The following PLCXD3 variants were observed in gnomAD, a reference collection of about 807,000 sequenced individuals.
The protein encoded by PLCXD3 is phosphatidylinositol specific phospholipase C X domain containing 3.
A neutral mutation model predicts 25.5 loss-of-function variants in PLCXD3; 19 were observed. The ratio of observed to expected loss-of-function variants is 0.75; its 90% CI spans 0.52 to 1.09. PLCXD3 has a LOEUF of 1.09. PLCXD3 is among the 50% of genes least tolerant of loss of function. The pLI, the probability that PLCXD3 is intolerant of heterozygous loss-of-function variation, is 0.00. For missense variants in PLCXD3, 411 were observed against 388.1 expected, an observed-to-expected ratio of 1.06 and a Z score of -0.50; for synonymous variants, 174 against 137.6, an observed-to-expected ratio of 1.26 and a Z score of -1.85.
intron 2 of PLCXD3, among the ~76,000 whole-genome samples, chr5:41,325,992 T>C (rs1743614060): frequency 6.6e-6 from 1 of 152,090 alleles, no homozygotes; most frequent in South Asian, 2.1e-4. Context: ...AGGGTACTAA[T>C]CTCATTCATG....
At chr5:41,373,098 T>C (rs182584098) in intron 2 of PLCXD3, among the ~76,000 whole-genome samples, 19 of 152,160 alleles carry the variant, frequency 1.2e-4, no homozygotes, top group Non-Finnish European at 2.1e-4. Flanking sequence ...GATGTGAGAT[T>C]GGACATGCCT....
chr5:41,489,430 T>C (rs1275727440), intron 1 of PLCXD3, among the ~76,000 whole-genome samples: 7 of 152,086 alleles, frequency 4.6e-5, no homozygotes, highest in Admixed American at 4.6e-4. Context: ...TTTGGTTCCA[T>C]ATGAACTTTA....
intron 2 of PLCXD3, among the ~76,000 whole-genome samples, chr5:41,339,456 T>G (rs1029596210): frequency 3.9e-5 from 6 of 152,066 alleles, no homozygotes; most frequent in Non-Finnish European, 8.8e-5. Flanking sequence ...TACTATTTTT[T>G]TTTTTCAAAA....
At chr5:41,424,091 T>C (rs1325743308) in intron 1 of PLCXD3, among the ~76,000 whole-genome samples, 1 of 152,168 alleles carries the variant, frequency 6.6e-6, no homozygotes, top group Non-Finnish European at 1.5e-5. Flanking sequence ...CTTTCTACCC[T>C]TTGACCAACA....
At chr5:41,374,409 A>G (rs1270161487) in intron 2 of PLCXD3, among the ~76,000 whole-genome samples, 1 of 152,154 alleles carries the variant, frequency 6.6e-6, no homozygotes, top group African/African-American at 2.4e-5. Flanking sequence ...TGTTTCAAAA[A>G]GATTCTGAAT....
intron 1 of PLCXD3, among the ~76,000 whole-genome samples, chr5:41,506,631 A>T (rs902311513): frequency 1.3e-5 from 2 of 152,204 alleles, no homozygotes; most frequent in Admixed American, 6.5e-5. Flanking sequence ...GGCTCCAGGA[A>T]CACAGGCAGC....
At chr5:41,456,451 T>A in intron 1 of PLCXD3, 2 of 593,980 alleles carry the variant, frequency 3.4e-6, no homozygotes, top group Non-Finnish European at 4.2e-6. Flanking sequence ...AGAGATAAAT[T>A]CAGGATAGAA....
chr5:41,338,158 T>C, intron 2 of PLCXD3, among the ~76,000 whole-genome samples: 1 of 152,122 alleles, frequency 6.6e-6, no homozygotes, highest in East Asian at 1.9e-4. Context: ...CATTATAAAG[T>C]AGTCATATTC....
At chr5:41,433,697 T>C (rs983616861) in intron 1 of PLCXD3, among the ~76,000 whole-genome samples, 1 of 152,264 alleles carries the variant, frequency 6.6e-6, no homozygotes, top group African/African-American at 2.4e-5. Flanking sequence ...ATGCTCATTC[T>C]AAGAATGATT....
At chr5:41,490,517 T>C (rs1332488837) in intron 1 of PLCXD3, among the ~76,000 whole-genome samples, 1 of 152,126 alleles carries the variant, frequency 6.6e-6, no homozygotes, top group East Asian at 1.9e-4. Context: ...ATGGTACCAG[T>C]TCCTCCTTGT....
chr5:41,378,341 T>A (rs1212019504), intron 2 of PLCXD3, among the ~76,000 whole-genome samples: 5 of 152,114 alleles, frequency 3.3e-5, no homozygotes, highest in Non-Finnish European at 7.4e-5. Flanking sequence ...TTTCTAGTAC[T>A]TCTGAGGCTA....
At chr5:41,471,032 A>AGAT (rs1335256941) in intron 1 of PLCXD3, among the ~76,000 whole-genome samples, 2 of 152,212 alleles carry the variant, frequency 1.3e-5, no homozygotes. Flanking sequence ...AATTTATCAT[A>AGAT]GATAACTGAT....
rs548746537 is a variant in PLCXD3, at chr5:41,384,092, CT to C, written c.104-1559del. Among the ~76,000 whole-genome samples, 610 of 152,046 alleles carry C rather than the reference CT, an allele frequency of 4.0e-3. 5 individuals carry two copies. The highest frequency in any genetic ancestry group is 0.014 in the African/African-American group (590 of 41,512). ...TTAGATAAGTTCTCAGAATGATTTC[CT>C]TTTTCAAAAACTATAAAAGATAACC... On this transcript the variant is annotated intron_variant, in intron 1 of 2. Coordinates refer to ENST00000377801, the MANE Select transcript of PLCXD3 (RefSeq NM_001005473.3).
At chr5:41,495,562 T>G (rs1391598883) in intron 1 of PLCXD3, among the ~76,000 whole-genome samples, 1 of 152,216 alleles carries the variant, frequency 6.6e-6, no homozygotes, top group African/African-American at 2.4e-5. Context: ...GAATATAAAA[T>G]AGCAGGTGGT....
Position 41,400,970 on chromosome 5 carries a change from A to G in PLCXD3, c.104-18436T>C, listed in dbSNP as rs560313361. On this transcript the variant is annotated intron_variant, in intron 1 of 2. Coordinates refer to ENST00000377801, the MANE Select transcript of PLCXD3 (RefSeq NM_001005473.3). ...TCTCATGTACCCCATAAATCTACAT[A>G]CCTATTATGTACACATGAAAATTTT... 3.3e-5 allele frequency among the ~76,000 whole-genome samples: 5 copies of G among 150,736 alleles called. No homozygotes were observed. The South Asian group carries it at 1.1e-3, about 32-fold the overall frequency.
intron 2 of PLCXD3, among the ~76,000 whole-genome samples, chr5:41,344,113 A>C (rs1462487880): frequency 2.0e-5 from 3 of 152,148 alleles, no homozygotes. Flanking sequence ...TAAAGGAACG[A>C]TTTCAGATGG....
At chr5:41,494,276 C>A (rs574562883) in intron 1 of PLCXD3, among the ~76,000 whole-genome samples, 5 of 152,080 alleles carry the variant, frequency 3.3e-5, no homozygotes, top group Admixed American at 6.6e-5. Flanking sequence ...ATGTACCTAA[C>A]TTACACTTCT....
chr5:41,331,359 A>G (rs1406348437), intron 2 of PLCXD3, among the ~76,000 whole-genome samples: 1 of 152,210 alleles, frequency 6.6e-6, no homozygotes, highest in African/African-American at 2.4e-5. Context: ...CAAAGAGAAT[A>G]AAATACCTAG....
At chr5:41,508,064 T>C (rs1425195471) in intron 1 of PLCXD3, among the ~76,000 whole-genome samples, 1 of 152,206 alleles carries the variant, frequency 6.6e-6, no homozygotes, top group Non-Finnish European at 1.5e-5. Flanking sequence ...GGAGTATAGA[T>C]TTGATGAAAA....
Sources: gnomAD v4.1 joint callset for allele counts (sites outside exome capture counted in the v4.1 genomes callset) on GRCh38, gnomAD v4.1.1 for gene constraint, MANE v1.5 for transcripts, NCBI Gene and HGNC (gene_info 2026-07-23, HGNC 2026-07-21) for gene names.